The following ZNF385D variants were observed in gnomAD, a reference collection of about 807,000 sequenced individuals.
ZNF385D encodes the protein zinc finger protein 385D, also known as zinc finger protein 659.
ZNF385D carries 15 observed loss-of-function variants against 35.8 expected under a neutral mutation model. That is an observed-to-expected ratio of 0.42 (90% CI 0.28 to 0.64). The LOEUF is 0.64. ZNF385D is among the 30% of genes least tolerant of loss of function. The pLI is 0.23. For missense variants in ZNF385D, 474 were observed against 494.6 expected, an observed-to-expected ratio of 0.96 and a Z score of 0.39; for synonymous variants, 212 against 186.8, an observed-to-expected ratio of 1.13 and a Z score of -1.10.
chr3:21,984,881 C>T lies in ZNF385D; in HGVS notation c.325+183936G>A, dbSNP rs1340132275. 2.3e-3 allele frequency among the ~76,000 whole-genome samples: 315 copies of T among 138,762 alleles called. 1 individual carries two copies. The highest frequency in any genetic ancestry group is 7.5e-3 in the African/African-American group (297 of 39,562). The allele number at this position is 138,762 out of a possible 152,430, so 91.0% of individuals were successfully genotyped here. ...TAGTTCTCCTTGAAGAGGTCCTTCA[C>T]GTCCCTTGTAAGTTGGATTCCTAGG... On this transcript the variant is annotated intron_variant, in intron 3 of 5. Coordinates refer to the ZNF385D transcript ENST00000494108.
At chr3:22,296,631 A>G (rs1702595931) in intron 2 of ZNF385D, among the ~76,000 whole-genome samples, 1 of 152,128 alleles carries the variant, frequency 6.6e-6, no homozygotes, top group South Asian at 2.1e-4. Flanking sequence ...TGAGTTAGAT[A>G]CTGAAGGACC....
intron 3 of ZNF385D, among the ~76,000 whole-genome samples, chr3:21,895,476 T>C (rs1045624715): frequency 4.0e-5 from 6 of 151,248 alleles, no homozygotes; most frequent in African/African-American, 9.7e-5. Flanking sequence ...TACAGGCTCA[T>C]AGCACCATGC....
intron 3 of ZNF385D, among the ~76,000 whole-genome samples, chr3:21,813,431 C>T (rs897015006): frequency 5.3e-5 from 8 of 152,096 alleles, no homozygotes; most frequent in Non-Finnish European, 8.8e-5. Flanking sequence ...CTGAACCCAT[C>T]GCAAAGAAGC....
At chr3:21,920,622 CA>C (rs71044953) in intron 3 of ZNF385D, among the ~76,000 whole-genome samples, 38,395 of 129,746 alleles carry the variant, frequency 0.3, 6,034 homozygotes, top group African/African-American at 0.44. Context: ...GATACAATGC[CA>C]AAAAAAAAAA....
intron 2 of ZNF385D, among the ~76,000 whole-genome samples, chr3:22,206,983 A>G (rs1697200434): frequency 6.6e-6 from 1 of 151,894 alleles, no homozygotes; most frequent in Non-Finnish European, 1.5e-5. Flanking sequence ...TTTTGGATAT[A>G]TAAACAAAAC....
intron 3 of ZNF385D, among the ~76,000 whole-genome samples, chr3:22,160,384 T>A (rs1705868662): frequency 6.6e-6 from 1 of 151,968 alleles, no homozygotes. Context: ...TCCTTGGAGA[T>A]CAAAAGGTGA....
intron 3 of ZNF385D, among the ~76,000 whole-genome samples, chr3:22,029,452 G>A (rs998707025): frequency 8.5e-5 from 13 of 152,290 alleles, no homozygotes; most frequent in Non-Finnish European, 1.3e-4. Flanking sequence ...GAAAAAACCC[G>A]CGACCTGCTG....
chr3:21,594,351 C>A (rs2064068631), intron 2 of ZNF385D, among the ~76,000 whole-genome samples: 1 of 152,126 alleles, frequency 6.6e-6, no homozygotes, highest in Admixed American at 6.6e-5. Flanking sequence ...GAAGCTGACT[C>A]TGAGACAAAG....
chr3:21,415,366 T>C lies in ZNF385D; in HGVS notation c.*5848A>G, dbSNP rs1700548278. ...AATTGTATGACCCAACTCAAACTGTTAGCATAATAGTCTTGCTAGAGTGCA... is the reference window on the plus strand; with the variant it reads ...AATTGTATGACCCAACTCAAACTGTCAGCATAATAGTCTTGCTAGAGTGCA... On this transcript the variant is annotated 3_prime_UTR_variant, in exon 8 of 8. Coordinates refer to ENST00000281523, the MANE Select transcript of ZNF385D (RefSeq NM_024697.3). 6.6e-6 allele frequency: 1 copy of C among 152,054 alleles called. No individual in the cohort carries two copies. The highest frequency in any genetic ancestry group is 2.4e-5 in the African/African-American group (1 of 41,410). 9.4% of individuals were successfully genotyped at this position (152,054 alleles called of 1,614,324 possible).
At chr3:21,863,067 A>C (rs1214194544) in intron 3 of ZNF385D, among the ~76,000 whole-genome samples, 1 of 152,154 alleles carries the variant, frequency 6.6e-6, no homozygotes, top group East Asian at 1.9e-4. Flanking sequence ...TTGAAAATAC[A>C]CACATAAATA....
chr3:21,617,326 T>G (rs1459084409), intron 2 of ZNF385D, among the ~76,000 whole-genome samples: 1 of 152,140 alleles, frequency 6.6e-6, no homozygotes, highest in Non-Finnish European at 1.5e-5. Context: ...AGAACCAAAC[T>G]AGGTTTGTGA....
At position 21,688,020 on chromosome 3, in the gene ZNF385D, A is replaced by G. The variant is rs1455646437; in HGVS notation, c.23-22992T>C. 1.1e-4 allele frequency among the ~76,000 whole-genome samples: 17 copies of G among 152,136 alleles called. No individual in the cohort carries two copies. In the East Asian group the frequency reaches 2.5e-3, roughly 23 times the overall value. Reference sequence around the variant, plus strand: ...AGGGATCCTGCTACCTTAGCCTCCCATAGTGTTGGGATTACGGGCATGGCC... The same window carrying G: ...AGGGATCCTGCTACCTTAGCCTCCCGTAGTGTTGGGATTACGGGCATGGCC... On this transcript the variant is annotated intron_variant, in intron 1 of 7. Coordinates refer to ENST00000281523, the MANE Select transcript of ZNF385D (RefSeq NM_024697.3).
intron 2 of ZNF385D, among the ~76,000 whole-genome samples, chr3:21,629,690 A>G (rs546496171): frequency 1.3e-5 from 2 of 152,064 alleles, no homozygotes; most frequent in African/African-American, 4.8e-5. Flanking sequence ...CCTTTGGGCT[A>G]CTCTTTTAAG....
intron 2 of ZNF385D, among the ~76,000 whole-genome samples, chr3:22,256,236 C>CAT (rs141839193): frequency 0.016 from 2,365 of 145,346 alleles, 30 homozygotes; most frequent in African/African-American, 0.032. Context: ...TATACACATA[C>CAT]ATATATATAT....
intron 3 of ZNF385D, among the ~76,000 whole-genome samples, chr3:22,053,348 G>T (rs1221066836): frequency 9.8e-5 from 4 of 40,716 alleles, no homozygotes; most frequent in Non-Finnish European, 1.4e-4. Flanking sequence ...TTTTTGAAAG[G>T]ATCAACAAAA....
intron 4 of ZNF385D, among the ~76,000 whole-genome samples, chr3:21,478,749 C>A (rs1018042740): frequency 6.6e-6 from 1 of 152,058 alleles, no homozygotes; most frequent in African/African-American, 2.4e-5. Flanking sequence ...AAAGAAAGGG[C>A]AATCTCTTTT....
chr3:21,928,593 G>T (rs1420873176), intron 3 of ZNF385D, among the ~76,000 whole-genome samples: 3 of 152,086 alleles, frequency 2.0e-5, no homozygotes, highest in Non-Finnish European at 4.4e-5. Flanking sequence ...AAATAATAAG[G>T]CTTTAGCTAT....
At chr3:22,359,290 A>C (rs1384200091) in intron 2 of ZNF385D, among the ~76,000 whole-genome samples, 1 of 151,790 alleles carries the variant, frequency 6.6e-6, no homozygotes, top group East Asian at 1.9e-4. Context: ...TACATTCAAG[A>C]GGTTTTTCTG....
At chr3:22,239,989 C>A (rs1699399500) in intron 2 of ZNF385D, among the ~76,000 whole-genome samples, 1 of 147,334 alleles carries the variant, frequency 6.8e-6, no homozygotes, top group African/African-American at 2.5e-5. Flanking sequence ...TCAGTCTGGG[C>A]AACATGGCAA....
Sources: gnomAD v4.1 joint callset for allele counts (sites outside exome capture counted in the v4.1 genomes callset) on GRCh38, gnomAD v4.1.1 for gene constraint, MANE v1.5 for transcripts, NCBI Gene and HGNC (gene_info 2026-07-23, HGNC 2026-07-21) for gene names.